The following SLC8A1 variants were observed in gnomAD, a reference collection of about 807,000 sequenced individuals.
SLC8A1 encodes solute carrier family 8 member A1.
In SLC8A1, 18 loss-of-function variants were observed where a neutral mutation model predicts 68.3. The ratio of observed to expected loss-of-function variants is 0.26; its 90% CI spans 0.18 to 0.39. The LOEUF (loss-of-function observed/expected upper bound fraction) is 0.39, where lower values mean the gene tolerates loss of function less well. Among genes scored for constraint, SLC8A1 ranks in the 10% least tolerant of loss-of-function variants. The probability of loss-of-function intolerance (pLI) is 1.00; values close to 1 mark genes in which losing one functional copy is unlikely to be tolerated. For synonymous variants in SLC8A1, 475 were observed against 415.5 expected, an observed-to-expected ratio of 1.14 and a Z score of -1.74; for missense variants, 985 against 1,156.7, an observed-to-expected ratio of 0.85 and a Z score of 2.15.
At chr2:40,377,726 G>T (rs1035260883) in intron 2 of SLC8A1, among the ~76,000 whole-genome samples, 2 of 152,078 alleles carry the variant, frequency 1.3e-5, no homozygotes. Context: ...GGAGCTGGAA[G>T]CACTGCAGAT....
At chr2:40,369,841 C>T (rs1472827456) in intron 2 of SLC8A1, among the ~76,000 whole-genome samples, 1 of 151,516 alleles carries the variant, frequency 6.6e-6, no homozygotes. Context: ...AAAAGAATTT[C>T]CTATGACCAC....
intron 2 of SLC8A1, among the ~76,000 whole-genome samples, chr2:40,393,780 A>C (rs1047757922): frequency 9.9e-5 from 15 of 152,280 alleles, no homozygotes; most frequent in Non-Finnish European, 2.1e-4. Flanking sequence ...ATATAACAGG[A>C]TCTGTCATAA....
chr2:40,228,049 C>T (rs903719060), intron 2 of SLC8A1, among the ~76,000 whole-genome samples: 1 of 152,150 alleles, frequency 6.6e-6, no homozygotes, highest in African/African-American at 2.4e-5. Flanking sequence ...ATTTACTTTT[C>T]TCTTTTCTAA....
At chr2:40,275,139 T>C (rs2066533688) in intron 2 of SLC8A1, among the ~76,000 whole-genome samples, 1 of 152,244 alleles carries the variant, frequency 6.6e-6, no homozygotes, top group African/African-American at 2.4e-5. Flanking sequence ...ATTTTATAAT[T>C]GAGTTGAAGC....
intron 4 of SLC8A1, among the ~76,000 whole-genome samples, chr2:40,172,042 T>C (rs1185594266): frequency 1.3e-5 from 2 of 152,236 alleles, no homozygotes; most frequent in Non-Finnish European, 2.9e-5. Context: ...CGCAAGTCCA[T>C]GTAAAAGCTG....
chr2:40,402,745 T>TCCAC (rs1689124093), intron 2 of SLC8A1, among the ~76,000 whole-genome samples: 7 of 152,290 alleles, frequency 4.6e-5, no homozygotes, highest in African/African-American at 1.7e-4. Flanking sequence ...TTCCACCCAA[T>TCCAC]CTTGTTTTCC....
chr2:40,134,640 T>C (rs981325860), intron 7 of SLC8A1, among the ~76,000 whole-genome samples: 3 of 152,200 alleles, frequency 2.0e-5, no homozygotes, highest in African/African-American at 7.2e-5. Flanking sequence ...AAAAATCATC[T>C]ACTTACCTCC....
chr2:40,389,097 G>C (rs1684493835), intron 2 of SLC8A1, among the ~76,000 whole-genome samples: 1 of 127,200 alleles, frequency 7.9e-6, no homozygotes, highest in Non-Finnish European at 1.9e-5. Flanking sequence ...ACATATATTT[G>C]AGTGTGTGTG....
chr2:40,139,662 C>T (rs1257186367), exon 7 of SLC8A1: 7 of 1,613,660 alleles, frequency 4.3e-6, no homozygotes, highest in East Asian at 2.2e-5. Flanking sequence ...CATTCATCGT[C>T]GTCATCATCT....
intron 2 of SLC8A1, among the ~76,000 whole-genome samples, chr2:40,217,484 T>C (rs952365494): frequency 1.3e-5 from 2 of 152,178 alleles, no homozygotes; most frequent in Non-Finnish European, 2.9e-5. Context: ...TCCTTTGTCC[T>C]GTATAGTTTC....
At chr2:40,212,206 C>A (rs1429803401) in intron 2 of SLC8A1, among the ~76,000 whole-genome samples, 1 of 150,440 alleles carries the variant, frequency 6.6e-6, no homozygotes, top group African/African-American at 2.4e-5. Flanking sequence ...TAAGGGAAGA[C>A]TTTTAAGTCA....
intron 7 of SLC8A1, among the ~76,000 whole-genome samples, chr2:40,128,680 A>G (rs2038677893): frequency 6.6e-6 from 1 of 152,214 alleles, no homozygotes; most frequent in African/African-American, 2.4e-5. Context: ...TTTGCAGTGT[A>G]TGAACCAAGA....
intron 6 of SLC8A1, among the ~76,000 whole-genome samples, chr2:40,158,014 C>CAGTT (rs1272963516): frequency 3.9e-5 from 6 of 152,134 alleles, no homozygotes; most frequent in African/African-American, 1.4e-4. Flanking sequence ...AGTTTGAATA[C>CAGTT]AGTTACTGAG....
At chr2:40,459,324 C>G (rs960781154) in intron 1 of SLC8A1, among the ~76,000 whole-genome samples, 6 of 152,034 alleles carry the variant, frequency 3.9e-5, no homozygotes, top group African/African-American at 1.5e-4. Context: ...ACCACCAAAC[C>G]TTTTTTGAGA....
intron 2 of SLC8A1, among the ~76,000 whole-genome samples, chr2:40,340,285 G>T (rs1667277208): frequency 6.6e-6 from 1 of 152,182 alleles, no homozygotes; most frequent in South Asian, 2.1e-4. Flanking sequence ...TCAAGGCCAG[G>T]TGCGGTGGCT....
intron 2 of SLC8A1, among the ~76,000 whole-genome samples, chr2:40,179,073 A>G (rs2048983697): frequency 6.6e-6 from 1 of 152,120 alleles, no homozygotes; most frequent in South Asian, 2.1e-4. Context: ...CACCCCACCC[A>G]ATGTCTTAGA....
At chr2:40,363,699 C>T (rs902335747) in intron 2 of SLC8A1, among the ~76,000 whole-genome samples, 6 of 152,048 alleles carry the variant, frequency 3.9e-5, no homozygotes, top group African/African-American at 1.4e-4. Context: ...TTTAAATTTG[C>T]CCCTTTGTGG....
At chr2:40,449,114 CAAAG>C (rs1381136234) in intron 1 of SLC8A1, among the ~76,000 whole-genome samples, 2 of 144,334 alleles carry the variant, frequency 1.4e-5, no homozygotes, top group South Asian at 2.2e-4. Context: ...AAAGGCATCA[CAAAG>C]AAAGAACTTG....
At chr2:40,224,063 ATTAAAAGGCCTGGAATGTTCGC>A (rs2058673549) in intron 2 of SLC8A1, among the ~76,000 whole-genome samples, 1 of 152,160 alleles carries the variant, frequency 6.6e-6, no homozygotes. Context: ...CCACAACTGT[ATTAAAAGGCCTGGAATGTTCGC>A]TTCGTAGGGA....
Sources: allele counts gnomAD v4.1 joint callset (sites outside exome capture counted in the v4.1 genomes callset), GRCh38; gene constraint gnomAD v4.1.1; transcripts MANE v1.5; gene names NCBI Gene and HGNC (gene_info 2026-07-23, HGNC 2026-07-21).